TMEM59: variants seen among roughly 807,000 people sequenced by gnomAD.
TMEM59 encodes the protein transmembrane protein 59, also known as dendritic cell factor 1.
Under a neutral mutation model 42.2 loss-of-function variants are expected in TMEM59, and 44 were observed. That is an observed-to-expected ratio of 1.04 (90% CI 0.82 to 1.34). The LOEUF is 1.34. Ranked by LOEUF, TMEM59 falls within the 40% of genes most tolerant of loss-of-function variation. The pLI, the probability that TMEM59 is intolerant of heterozygous loss-of-function variation, is 0.00. For missense variants in TMEM59, 359 were observed against 382.8 expected, an observed-to-expected ratio of 0.94 and a Z score of 0.52; for synonymous variants, 148 against 145.8, an observed-to-expected ratio of 1.02 and a Z score of -0.11.
intron 5 of TMEM59, 50 bp downstream of exon 5, chr1:54,041,674 C>G (rs759870027): frequency 6.8e-6 from 10 of 1,462,874 alleles, no homozygotes; most frequent in African/African-American, 1.4e-5. Context: ...CTACTACAAC[C>G]AGATTTGACT....
At chr1:54,044,915 T>C (rs1657277966) in intron 3 of TMEM59, 1 of 152,204 alleles carries the variant, frequency 6.6e-6, no homozygotes, top group Admixed American at 6.5e-5. Context: ...GCATAACATA[T>C]CTATGCATTA....
chr1:54,043,833 C>T (rs946035467), intron 3 of TMEM59: 13 of 154,006 alleles, frequency 8.4e-5, no homozygotes, highest in African/African-American at 2.9e-4. Context: ...TAAATAAGGA[C>T]CAGCAAGGCC....
At chr1:54,037,127 G>C (rs565984534) in intron 6 of TMEM59, among the ~76,000 whole-genome samples, 27 of 152,190 alleles carry the variant, frequency 1.8e-4, no homozygotes, top group African/African-American at 6.5e-4. Context: ...GTATAGAATA[G>C]GTAAATTTAA....
chr1:54,027,679 G>A lies in TMEM59; in HGVS notation c.*4471C>T, dbSNP rs969102231. On this transcript the variant is annotated 3_prime_UTR_variant, in exon 8 of 8. Coordinates refer to ENST00000234831, the MANE Select transcript of TMEM59 (RefSeq NM_004872.5). ...AGCTACTTGGGAGGCTGAGGCACGA[G>A]AATCGCTTGAACCTGGGAGCTGTGG... 1.2e-4 allele frequency: 19 copies of A among 152,016 alleles called. No homozygotes were observed. Among genetic ancestry groups the A allele is most frequent in the African/African-American group, 4.6e-4 (19 of 41,338 alleles). 9.4% of individuals were successfully genotyped at this position (152,016 alleles called of 1,614,324 possible). A position where few individuals can be genotyped will look rare whatever the true frequency, so the allele number is the denominator to read the frequency against.
At chr1:54,050,856 C>A (rs1657511923) in intron 1 of TMEM59, among the ~76,000 whole-genome samples, 1 of 151,754 alleles carries the variant, frequency 6.6e-6, no homozygotes, top group African/African-American at 2.4e-5. Context: ...GCCACCGCGC[C>A]CGGCATTTTT....
rs1164729424 is a variant in TMEM59, at chr1:54,031,457, A to C, written c.*693T>G. 6.6e-6 allele frequency: 1 copy of C among 152,360 alleles called. No homozygotes were observed. Among genetic ancestry groups the C allele is most frequent in the African/African-American group, 2.4e-5 (1 of 41,450 alleles). 9.4% of individuals were successfully genotyped at this position (152,360 alleles called of 1,614,324 possible). A position where few individuals can be genotyped will look rare whatever the true frequency, so the allele number is the denominator to read the frequency against. ...TTGATATGCTATCTAACAGAGAAAA[A>C]TAGTTCTTTGGAAACACTCATCAAA... On this transcript the variant is annotated 3_prime_UTR_variant, in exon 8 of 8. Transcript: ENST00000234831.
intron 2 of TMEM59, among the ~76,000 whole-genome samples, chr1:54,046,004 A>G (rs1657320531): frequency 6.6e-6 from 1 of 152,192 alleles, no homozygotes. Flanking sequence ...AAATCTATTA[A>G]TTATACACCC....
intron 4 of TMEM59, among the ~76,000 whole-genome samples, chr1:54,042,344 A>C (rs759349140): frequency 1.3e-5 from 2 of 152,138 alleles, no homozygotes; most frequent in Non-Finnish European, 2.9e-5. Flanking sequence ...TTATGCTCAA[A>C]TTCACACAGA....
At chr1:54,045,501 CTT>C in intron 3 of TMEM59, 189 bp downstream of exon 3, 2 of 516,536 alleles carry the variant, frequency 3.9e-6, no homozygotes, top group Non-Finnish European at 7.0e-6. Flanking sequence ...GTAAGCATAA[CTT>C]TTAATAGTAA....
rs768570867 is a variant in TMEM59, at chr1:54,053,027, C to T, written c.162G>A (p.Leu54=). The change falls in exon 1 of 8, where the codon TTG becomes TTA. Residue 54 remains leucine (L), a synonymous_variant. Coordinates refer to ENST00000234831, the MANE Select transcript of TMEM59 (RefSeq NM_004872.5). ...TAGGGTAGGTGTGCAAGGGGTAGGT[C>T]AACTGACAGGCCCGGTGGCAAGACG... is the stretch of plus-strand genomic sequence containing the variant. ...DTASCHRACQ[L]TYPLHTYPKE... 1 of 1,614,096 alleles carries T rather than the reference C, an allele frequency of 6.2e-7. No homozygotes were observed. The highest frequency in any genetic ancestry group is 1.3e-5 in the African/African-American group (1 of 75,054).
At position 54,032,253 on chromosome 1, in the gene TMEM59, C is replaced by T. The variant is rs756279772; in HGVS notation, c.869G>A (p.Arg290Lys). 4 of 1,613,032 alleles carry T rather than the reference C, an allele frequency of 2.5e-6. No homozygotes were observed. In the South Asian group the frequency reaches 4.4e-5, roughly 18 times the overall value. Residue 290 changes from arginine to lysine, a missense_variant, in exon 8 of 8, where the codon AGA (arginine) becomes AAA (lysine). Physicochemically the swap from Arg to Lys is conservative, Grantham distance 26 (BLOSUM62 2). Transcript: ENST00000234831. ...AACCACAAGAGAAGAAGCTGGATAT[C>T]TGTTTAGCTTTTGTTCATTCATAAA... ...LEFMNEQKLN[R>K]YPASSLVVVR...
rs767663092 is a variant in TMEM59, at chr1:54,047,248, C to T, written c.295+19G>A. On this transcript the variant is annotated intron_variant, in intron 2 of 7. Transcript: ENST00000234831. ...AAACAATGTTACATACAGCTGATGT[C>T]GTTAGCATAGCATCTTACCAGATTC... 3.1e-5 allele frequency: 50 copies of T among 1,589,152 alleles called. 1 individual carries two copies. In the Middle Eastern group the frequency reaches 5.0e-4, roughly 16 times the overall value.
intron 1 of TMEM59, among the ~76,000 whole-genome samples, chr1:54,049,084 C>A (rs764349194): frequency 5.9e-5 from 9 of 152,184 alleles, no homozygotes; most frequent in Non-Finnish European, 1.3e-4. Flanking sequence ...GATATGCTTT[C>A]CTTTAATAAG....
intron 1 of TMEM59, 96 bp downstream of exon 1, chr1:54,052,904 G>T: frequency 7.1e-7 from 1 of 1,404,682 alleles, no homozygotes; most frequent in Non-Finnish European, 9.7e-7. Context: ...TTGAAGGGCC[G>T]ATTTAACAGC....
At chr1:54,047,618 T>C in intron 1 of TMEM59, 1 of 397,284 alleles carries the variant, frequency 2.5e-6, no homozygotes, top group Middle Eastern at 7.2e-4. Context: ...CCACCCTTTT[T>C]CCATTTTCTT....
upstream of TMEM59, chr1:54,053,234 G>C (rs1278142296): frequency 3.1e-6 from 5 of 1,600,906 alleles, no homozygotes; most frequent in Non-Finnish European, 4.3e-6. Flanking sequence ...CTGTTTTCTC[G>C]GAAGGGTTTC....
In TMEM59 at chr1:54,036,595, A is replaced by AAGGGTT. The variant is rs59025777; in HGVS notation, c.816+14_816+15insAACCCT. On this transcript the variant is annotated intron_variant, in intron 7 of 7. Transcript: ENST00000234831. ...TCACAGGGCTCAGTCTTCAAATGGT[A>AAGGGTT]AGAATTAAATTTACCTCAGAGGGAA... is the stretch of plus-strand genomic sequence containing the variant. 76,643 of 1,574,452 alleles carry AAGGGTT rather than the reference A, an allele frequency of 0.049. 6,215 individuals are homozygous for AAGGGTT. The highest frequency in any genetic ancestry group is 0.38 in the African/African-American group (27,291 of 72,684).
At chr1:54,043,700 A>C (rs1657224213) in intron 3 of TMEM59, 175 bp from the exon 4 acceptor site, 1 of 310,842 alleles carries the variant, frequency 3.2e-6, no homozygotes, top group Non-Finnish European at 5.2e-6. Context: ...CATTATGGTA[A>C]AGCTTAAAAA....
At chr1:54,047,841 C>T (rs1440645830) in intron 1 of TMEM59, 1 of 172,134 alleles carries the variant, frequency 5.8e-6, no homozygotes, top group African/African-American at 2.4e-5. Flanking sequence ...TGGTAGTGCA[C>T]ACTTGTTGTC....
Sources: gnomAD v4.1 joint callset for allele counts (sites outside exome capture counted in the v4.1 genomes callset) on GRCh38, gnomAD v4.1.1 for gene constraint, MANE v1.5 for transcripts, NCBI Gene and HGNC (gene_info 2026-07-23, HGNC 2026-07-21) for gene names.